Variants in FUT8 observed in about 807,000 individuals in gnomAD.
FUT8 encodes alpha-(1,6)-fucosyltransferase.
In FUT8, 29 loss-of-function variants were observed where a neutral mutation model predicts 71.3. The ratio of observed to expected loss-of-function variants is 0.41; its 90% confidence interval spans 0.30 to 0.55. The LOEUF (loss-of-function observed/expected upper bound fraction) is 0.55. FUT8 is among the 20% of genes least tolerant of loss of function. FUT8 has a pLI of 0.34. For missense variants in FUT8, 544 were observed against 702.1 expected, an observed-to-expected ratio of 0.77 and a Z score of 2.55; for synonymous variants, 254 against 239.3, an observed-to-expected ratio of 1.06 and a Z score of -0.57.
intron 2 of FUT8, among the ~76,000 whole-genome samples, chr14:65,523,716 T>G (rs945305375): frequency 1.7e-4 from 26 of 152,206 alleles, no homozygotes; most frequent in African/African-American, 4.3e-4. Context: ...GGTCTAACAT[T>G]TAGGTCTTTA....
At chr14:65,399,416 T>G in the FUT8 span, among the ~76,000 whole-genome samples, 1 of 152,212 alleles carries the variant, frequency 6.6e-6, no homozygotes, top group East Asian at 1.9e-4. Context: ...ACATCAGCCC[T>G]GACAAACAGC....
intron 2 of FUT8, among the ~76,000 whole-genome samples, chr14:65,482,192 G>A (rs538797576): frequency 6.6e-6 from 1 of 152,138 alleles, no homozygotes; most frequent in South Asian, 2.1e-4. Context: ...CTTTTTTGGG[G>A]GGTAGAGACA....
intron 2 of FUT8, among the ~76,000 whole-genome samples, chr14:65,512,563 C>T (rs1882418087): frequency 6.6e-6 from 1 of 152,062 alleles, no homozygotes; most frequent in South Asian, 2.1e-4. Flanking sequence ...TGACAAGTTA[C>T]TGAACGTTCT....
intron 3 of FUT8, among the ~76,000 whole-genome samples, chr14:65,595,898 C>G (rs1594799750): frequency 6.6e-6 from 1 of 152,314 alleles, no homozygotes; most frequent in Middle Eastern, 3.4e-3. Flanking sequence ...CGTGAGCCAC[C>G]ACGCGCGGCC....
At position 65,627,345 on chromosome 14, in the gene FUT8, A is replaced by G. The variant is rs74245865; in HGVS notation, c.483-2147A>G. Among the ~76,000 whole-genome samples the G allele has an allele frequency of 0.14, 20,900 of 152,240 alleles. 1,924 individuals carry two copies. The highest frequency in any genetic ancestry group is 0.28 in the South Asian group (1,354 of 4,824). On this transcript the variant is annotated intron_variant, in intron 5 of 10. Transcript: ENST00000673929. The surrounding 1 kb of genome is among the most constrained non-coding windows in gnomAD (Gnocchi z 4.0). ...GAGGAAATAATTTGGCCAGGGGAAC[A>G]TAAGGCAGAGTGAGAGATCAAGGCA...
intron 6 of FUT8, among the ~76,000 whole-genome samples, chr14:65,653,497 C>G (rs914460231): frequency 6.6e-6 from 1 of 152,010 alleles, no homozygotes. Context: ...ATTTGGCAAA[C>G]CTAAATATTC....
intron 3 of FUT8, among the ~76,000 whole-genome samples, chr14:65,591,309 AGTT>A (rs1887673273): frequency 1.3e-5 from 2 of 152,276 alleles, no homozygotes; most frequent in South Asian, 4.1e-4. Flanking sequence ...GGCAAAAAGC[AGTT>A]GTTCAGGTTT....
At chr14:65,616,524 T>C (rs1461051277) in intron 5 of FUT8, 151 bp downstream of exon 5, 10 of 579,424 alleles carry the variant, frequency 1.7e-5, no homozygotes, top group Non-Finnish European at 2.8e-5. Context: ...TCCCAAAGGA[T>C]GGTAATTGCC....
chr14:65,429,398 C>G (rs1468171068), intron 1 of FUT8, among the ~76,000 whole-genome samples: 2 of 152,164 alleles, frequency 1.3e-5, no homozygotes, highest in African/African-American at 4.8e-5. Flanking sequence ...ATGATGGTGT[C>G]ATTACAGCGG....
chr14:65,525,968 T>A (rs1253081136), intron 2 of FUT8, among the ~76,000 whole-genome samples: 1 of 152,210 alleles, frequency 6.6e-6, no homozygotes, highest in Non-Finnish European at 1.5e-5. Flanking sequence ...TCCTGAGGTG[T>A]GCTTTACTTC....
chr14:65,474,101 A>G (rs1172326042), intron 2 of FUT8, among the ~76,000 whole-genome samples: 1 of 152,142 alleles, frequency 6.6e-6, no homozygotes, highest in African/African-American at 2.4e-5. Flanking sequence ...TGGGTACGCA[A>G]AGGCATACAG....
chr14:65,521,206 T>G (rs1883055599), intron 2 of FUT8, among the ~76,000 whole-genome samples: 1 of 152,140 alleles, frequency 6.6e-6, no homozygotes, highest in South Asian at 2.1e-4. Flanking sequence ...TTTATATGTT[T>G]AAATAATTTA....
rs868014026 is a variant in FUT8 at position 65,576,441 on chromosome 14, G to T, written c.203+14675G>T. 1.2e-3 allele frequency among the ~76,000 whole-genome samples: 181 copies of T among 152,042 alleles called. 2 individuals carry two copies. Among genetic ancestry groups the T allele is most frequent in the Admixed American group, 1.4e-3 (22 of 15,262 alleles). On this transcript the variant is annotated intron_variant, in intron 3 of 10. Coordinates refer to ENST00000673929, the MANE Select transcript of FUT8 (RefSeq NM_001371533.1). ...TGAATTGTTAGGCATGTTACATGTT[G>T]ATATAGACATGCTCTGAAATAAAGG...
chr14:65,359,341 T>A, the FUT8 span, among the ~76,000 whole-genome samples: 2 of 152,190 alleles, frequency 1.3e-5, no homozygotes, highest in African/African-American at 4.8e-5. Flanking sequence ...AAAACATACA[T>A]AACATAAAAT....
intron 6 of FUT8, among the ~76,000 whole-genome samples, chr14:65,657,959 TAAAG>T (rs1158209087): frequency 1.3e-5 from 2 of 151,910 alleles, no homozygotes; most frequent in African/African-American, 4.8e-5. Flanking sequence ...AATTAAAAAT[TAAAG>T]AAAAACAATG....
Position 65,684,680 on chromosome 14 carries a change from T to C in FUT8, c.835+15200T>C, listed in dbSNP as rs144870919. Among the ~76,000 whole-genome samples the C allele has an allele frequency of 5.1e-3, 778 of 152,244 alleles. 7 individuals carry two copies. The highest frequency in any genetic ancestry group is 0.018 in the African/African-American group (744 of 41,552). ...GAAGGTGATTGAATCATGGGGGCAG[T>C]TTCCCCCATGCTGTTCTTGGTGAGT... is the stretch of plus-strand genomic sequence containing the variant. On this transcript the variant is annotated intron_variant, in intron 7 of 10. Transcript: ENST00000673929.
intron 1 of FUT8, among the ~76,000 whole-genome samples, chr14:65,451,459 C>T (rs1449261105): frequency 6.6e-6 from 1 of 152,250 alleles, no homozygotes; most frequent in Non-Finnish European, 1.5e-5. Flanking sequence ...TCTTTTAGCT[C>T]CGCTGTCCGT....
the FUT8 span, among the ~76,000 whole-genome samples, chr14:65,384,594 A>G: frequency 6.6e-6 from 1 of 152,170 alleles, no homozygotes; most frequent in Admixed American, 6.5e-5. The surrounding 1 kb of genome is among the most constrained non-coding windows in gnomAD (Gnocchi z 4.2). Context: ...TTATGATACA[A>G]TTATTTATGA....
At chr14:65,551,314 G>A (rs1367973095) in intron 2 of FUT8, among the ~76,000 whole-genome samples, 2 of 152,100 alleles carry the variant, frequency 1.3e-5, no homozygotes, top group Admixed American at 6.5e-5. Context: ...CAGTTTGATC[G>A]TATTATAAAT....
Sources: gnomAD v4.1 joint callset for allele counts (sites outside exome capture counted in the v4.1 genomes callset) on GRCh38, gnomAD v4.1.1 for gene constraint, Gnocchi (gnomAD v3.1) non-coding constraint, MANE v1.5 for transcripts, NCBI Gene and HGNC (gene_info 2026-07-23, HGNC 2026-07-21) for gene names.